The following CAPN2 variants were observed in gnomAD, a reference collection of about 807,000 sequenced individuals.
CAPN2 encodes calpain 2, also known as calpain-2 catalytic subunit.
CAPN2 carries 92 observed loss-of-function variants against 102.3 expected under a neutral mutation model. The ratio of observed to expected loss-of-function variants is 0.90; its 90% CI spans 0.76 to 1.07. CAPN2 has a LOEUF of 1.07. CAPN2 is among the 50% of genes least tolerant of loss of function. The probability of loss-of-function intolerance (pLI) is 0.00; values close to 1 mark genes in which losing one functional copy is unlikely to be tolerated. For missense variants in CAPN2, 800 were observed against 909.4 expected, an observed-to-expected ratio of 0.88 and a Z score of 1.55; for synonymous variants, 340 against 355.4, an observed-to-expected ratio of 0.96 and a Z score of 0.49.
chr1:223,765,546 C>T (rs1175118201), intron 15 of CAPN2, among the ~76,000 whole-genome samples: 3 of 152,226 alleles, frequency 2.0e-5, no homozygotes, highest in Non-Finnish European at 4.4e-5. Context: ...AAGAAGCGGG[C>T]CTTGCCTGGA....
At chr1:223,764,077 A>G (rs1661252123) in intron 14 of CAPN2, 73 bp from the exon 15 acceptor site, 1 of 1,176,840 alleles carries the variant, frequency 8.5e-7, no homozygotes, top group African/African-American at 1.5e-5. Flanking sequence ...TACCTAATGC[A>G]CTGGTGTCCT....
chr1:223,742,217 C>G (rs1388688770), intron 2 of CAPN2, among the ~76,000 whole-genome samples: 1 of 151,862 alleles, frequency 6.6e-6, no homozygotes, highest in East Asian at 1.9e-4. Context: ...ATGGGGAAAC[C>G]CTGTCTCTAC....
rs1214202979 is a variant in CAPN2, at chr1:223,774,815, T to G, written c.2080-19T>G. 2 of 1,612,904 alleles carry G rather than the reference T, an allele frequency of 1.2e-6. No homozygotes were observed. The highest frequency in any genetic ancestry group is 1.7e-6 in the Non-Finnish European group (2 of 1,179,324). ...TAAAAGTGGTCACTGAGCTGACTTT[T>G]TTTTTTCCTTCCTCACAGTGGCTCT... is the stretch of plus-strand genomic sequence containing the variant. On this transcript the variant is annotated intron_variant, in intron 20 of 20. Transcript: ENST00000295006.
chr1:223,741,468 A>ATATATTTT (rs71166282), intron 2 of CAPN2, among the ~76,000 whole-genome samples: 2 of 138,358 alleles, frequency 1.4e-5, no homozygotes, highest in East Asian at 4.4e-4. Flanking sequence ...ATATATATAT[A>ATATATTTT]TTTGAGAGGG....
rs1300898792 is a variant in CAPN2 at position 223,742,514 on chromosome 1, ATATATT to A, written c.308-1584_308-1579del. 2.3e-4 allele frequency among the ~76,000 whole-genome samples: 25 copies of A among 109,466 alleles called. No individual in the cohort carries two copies. In the East Asian group the frequency reaches 2.8e-3, roughly 12 times the overall value. The allele number at this position is 109,466 out of a possible 152,430, so 71.8% of individuals were successfully genotyped here. A position where few individuals can be genotyped will look rare whatever the true frequency, so the allele number is the denominator to read the frequency against. On this transcript the variant is annotated intron_variant, in intron 2 of 20. Coordinates refer to ENST00000295006, the MANE Select transcript of CAPN2 (RefSeq NM_001748.5). Reference sequence around the variant, plus strand: ...TATATGTGTGTATATATATATATATATATATTTTTTTTTTTTTTTTTGAGACAGGGT... The same window carrying A: ...TATATGTGTGTATATATATATATATATTTTTTTTTTTTTTTGAGACAGGGT...
At chr1:223,749,782 A>G (rs924966057) in intron 6 of CAPN2, among the ~76,000 whole-genome samples, 2 of 152,148 alleles carry the variant, frequency 1.3e-5, no homozygotes, top group African/African-American at 4.8e-5. Context: ...TGGGAGACCG[A>G]GGTGGGAGGA....
In CAPN2 at chr1:223,747,019, C is replaced by T. The variant is rs751937740; in HGVS notation, c.583C>T (p.Leu195=). Residue 195 remains leucine (L), a synonymous_variant, in exon 5 of 21, where the codon CTA becomes TTA. Coordinates refer to ENST00000295006, the MANE Select transcript of CAPN2 (RefSeq NM_001748.5). ...TAGGATCAACGGATGCTATGAAGCGCTATCAGGGGGTGCCACCACTGAGGG... is the reference window on the plus strand; with the variant it reads ...TAGGATCAACGGATGCTATGAAGCGTTATCAGGGGGTGCCACCACTGAGGG... The part of the protein sequence containing the change: ...YAKINGCYEA[L]SGGATTEGFE... 1 of 1,613,902 alleles carries T rather than the reference C, an allele frequency of 6.2e-7. No homozygotes were observed. Among genetic ancestry groups the T allele is most frequent in the Non-Finnish European group, 8.5e-7 (1 of 1,179,874 alleles).
Position 223,745,457 on chromosome 1 carries a change from C to T in CAPN2, c.560+18C>T. The T allele has an allele frequency of 6.2e-7, 1 of 1,614,108 alleles. No homozygotes were observed. Among genetic ancestry groups the T allele is most frequent in the East Asian group, 2.2e-5 (1 of 44,882 alleles). ...TACGCCAAGTAAGTTGCCATCCTCC[C>T]CTGGCCCCATGGCCTTCCCCCAATG... On this transcript the variant is annotated intron_variant, in intron 4 of 20. Coordinates refer to ENST00000295006, the MANE Select transcript of CAPN2 (RefSeq NM_001748.5).
chr1:223,703,463 T>C (rs1659530754), intron 1 of CAPN2, among the ~76,000 whole-genome samples: 1 of 152,184 alleles, frequency 6.6e-6, no homozygotes, highest in Non-Finnish European at 1.5e-5. Context: ...CTCTCCAGGC[T>C]GCTCCAGCCA....
rs558683367 is a variant in CAPN2 at position 223,756,114 on chromosome 1, C to T, written c.1305+465C>T. ...GGGGAACATTGGTCATGATGCTCCC[C>T]CCAGGGCTCTGATGGCTGGAGCCCA... On this transcript the variant is annotated intron_variant, in intron 10 of 20. Coordinates refer to ENST00000295006, the MANE Select transcript of CAPN2 (RefSeq NM_001748.5). The surrounding 1 kb of genome is among the most constrained non-coding windows in gnomAD (Gnocchi z 4.1). Among the ~76,000 whole-genome samples, 1 of 152,206 alleles carries T rather than the reference C, an allele frequency of 6.6e-6. No homozygotes were observed. The highest frequency in any genetic ancestry group is 2.4e-5 in the African/African-American group (1 of 41,438).
intron 5 of CAPN2, among the ~76,000 whole-genome samples, chr1:223,747,932 T>C (rs1357198036): frequency 1.3e-5 from 2 of 152,218 alleles, no homozygotes; most frequent in East Asian, 3.8e-4. Context: ...AAAGTCAAGC[T>C]GTCTGGGGTG....
intron 2 of CAPN2, among the ~76,000 whole-genome samples, chr1:223,738,274 T>C (rs1309374979): frequency 6.6e-6 from 1 of 152,094 alleles, no homozygotes; most frequent in Non-Finnish European, 1.5e-5. Context: ...TTCTCCTGCC[T>C]CAGCCTCCCA....
chr1:223,749,942 C>T (rs570642892), intron 6 of CAPN2, among the ~76,000 whole-genome samples: 3 of 152,090 alleles, frequency 2.0e-5, no homozygotes, highest in East Asian at 1.9e-4. Context: ...CCCAGGAGGT[C>T]GAGGCTGTAG....
At position 223,712,543 on chromosome 1, in the gene CAPN2, G is replaced by C. The variant is rs1167095015; in HGVS notation, c.-98G>C. ...GCTCGCAGCGGCGGCGCCCGCAGTG[G>C]CCGCAGCAGCGCGCCGGGCCCTGGC... On this transcript the variant is annotated 5_prime_UTR_variant, in exon 1 of 21. Transcript: ENST00000295006. The C allele has an allele frequency of 7.2e-6, 9 of 1,257,388 alleles. No individual in the cohort carries two copies. The highest frequency in any genetic ancestry group is 7.9e-6 in the Non-Finnish European group (8 of 1,006,480). The allele number at this position is 1,257,388 out of a possible 1,614,324, so 77.9% of individuals were successfully genotyped here. A position where few individuals can be genotyped will look rare whatever the true frequency, so the allele number is the denominator to read the frequency against.
intron 6 of CAPN2, chr1:223,749,446 GT>G (rs1315153799): frequency 2.3e-5 from 10 of 438,812 alleles, no homozygotes; most frequent in Non-Finnish European, 4.1e-5. Context: ...TCTTCATAGT[GT>G]TTTATACTCT....
At chr1:223,736,862 T>C (rs1323052388) in intron 2 of CAPN2, among the ~76,000 whole-genome samples, 4 of 152,044 alleles carry the variant, frequency 2.6e-5, no homozygotes, top group Admixed American at 6.5e-5. Context: ...CTGGGCAACA[T>C]AGCAAGACAC....
At chr1:223,723,554 G>T (rs2102779465) in intron 2 of CAPN2, among the ~76,000 whole-genome samples, 1 of 152,044 alleles carries the variant, frequency 6.6e-6, no homozygotes, top group Non-Finnish European at 1.5e-5. Context: ...AAATGCTCTT[G>T]CACTTTTCTC....
intron 2 of CAPN2, among the ~76,000 whole-genome samples, chr1:223,718,256 G>T (rs961977461): frequency 6.6e-6 from 1 of 152,260 alleles, no homozygotes; most frequent in African/African-American, 2.4e-5. Flanking sequence ...AACCAGGGAA[G>T]GTGACTCAGT....
At chr1:223,736,292 T>C (rs1046976531) in intron 2 of CAPN2, among the ~76,000 whole-genome samples, 5 of 151,140 alleles carry the variant, frequency 3.3e-5, no homozygotes, top group Admixed American at 2.6e-4. Context: ...CAAAGGGGAG[T>C]GAGAGGGCAG....
Sources: gnomAD v4.1 joint callset for allele counts (sites outside exome capture counted in the v4.1 genomes callset) on GRCh38, gnomAD v4.1.1 for gene constraint, Gnocchi (gnomAD v3.1) non-coding constraint, MANE v1.5 for transcripts, NCBI Gene and HGNC (gene_info 2026-07-23, HGNC 2026-07-21) for gene names.